Variants in MYH16 observed in about 807,000 individuals in gnomAD.
The protein encoded by MYH16 is myosin heavy chain 16.
chr7:99,302,228 C>T (rs1792604122), intron 38 of MYH16, among the ~76,000 whole-genome samples: 1 of 150,470 alleles, frequency 6.6e-6, no homozygotes. Context: ...TGCTTGAACC[C>T]GGGAGGCGGA....
chr7:99,308,928 C>A (rs1792719230), downstream of MYH16, among the ~76,000 whole-genome samples: 1 of 152,076 alleles, frequency 6.6e-6, no homozygotes. Context: ...CCTATCTCTA[C>A]AAAAAAATGT....
chr7:99,289,502 G>C (rs748184153), intron 30 of MYH16, 98 bp downstream of exon 11: 1 of 207,546 alleles, frequency 4.8e-6, no homozygotes, highest in African/African-American at 2.4e-5. Context: ...GAAGATTCCC[G>C]TCCAAACCCC....
chr7:99,291,527 T>G lies in MYH16; in HGVS notation n.3952+77T>G, dbSNP rs548105965. 6.4e-4 allele frequency: 265 copies of G among 413,496 alleles called. 2 individuals carry two copies. Among genetic ancestry groups the G allele is most frequent in the African/African-American group, 4.8e-3 (231 of 48,544 alleles). The allele number at this position is 413,496 out of a possible 1,614,324, so 25.6% of individuals were successfully genotyped here. ...ATAGGTTACAGCTGGGGTTGGTGGC[T>G]CATGCCTGTAATCCCAGAACTTTGG... On this transcript the variant is annotated intron_variant and non_coding_transcript_variant, in intron 31 of 41. Coordinates refer to ENST00000439784, the Ensembl canonical transcript of MYH16.
At chr7:99,254,767 G>A (rs758943101) in intron 8 of MYH16, among the ~76,000 whole-genome samples, 19 of 152,192 alleles carry the variant, frequency 1.2e-4, no homozygotes, top group Non-Finnish European at 2.2e-4. Context: ...CCCACCCACA[G>A]GTGGGCTTTA....
chr7:99,283,077 A>G (rs762383736), intron 23 of MYH16, among the ~76,000 whole-genome samples: 23 of 152,182 alleles, frequency 1.5e-4, no homozygotes, highest in African/African-American at 5.5e-4. Flanking sequence ...TGTGACAACC[A>G]GAAGCACCCC....
intron 20 of MYH16, 36 bp from the exon 3 acceptor site, chr7:99,277,503 T>C (rs1296909561): frequency 6.7e-6 from 3 of 444,728 alleles, no homozygotes; most frequent in Admixed American, 4.8e-5. Context: ...GCAAACCCCA[T>C]TCTCCTAACA....
intron 22 of MYH16, 31 bp from the exon 5 acceptor site, chr7:99,280,845 G>A (rs535345083): frequency 3.4e-6 from 1 of 294,434 alleles, no homozygotes; most frequent in Non-Finnish European, 6.8e-6. Flanking sequence ...CAGCTTTAAG[G>A]ATCTACCTCT....
chr7:99,294,009 C>T lies in MYH16; in HGVS notation n.4150-9C>T, dbSNP rs1328906795. On this transcript the variant is annotated splice_polypyrimidine_tract_variant and intron_variant and non_coding_transcript_variant, in intron 32 of 41. Transcript: ENST00000439784. Reference sequence around the variant, plus strand: ...TTTCCTTGACAGCCCCTCTGGCCCTCATTTGCAGGAGGAAGCTGGCCGCCA... The same window carrying T: ...TTTCCTTGACAGCCCCTCTGGCCCTTATTTGCAGGAGGAAGCTGGCCGCCA... The T allele has an allele frequency of 2.2e-6, 1 of 450,574 alleles. No individual in the cohort carries two copies. The highest frequency in any genetic ancestry group is 1.6e-5 in the South Asian group (1 of 63,662). 27.9% of individuals were successfully genotyped at this position (450,574 alleles called of 1,614,324 possible). A position where few individuals can be genotyped will look rare whatever the true frequency, so the allele number is the denominator to read the frequency against.
At chr7:99,273,311 TAACCCACTC>T (rs1156488422) in intron 19 of MYH16, 22 bp from the exon 2 acceptor site, 1 of 456,690 alleles carries the variant, frequency 2.2e-6, no homozygotes, top group Non-Finnish European at 4.4e-6. Context: ...ACCTTCATTG[TAACCCACTC>T]AACCCTGGAT....
At chr7:99,279,379 AAAG>A in intron 21 of MYH16, 128 bp from the exon 4 acceptor site, 7 of 340,426 alleles carry the variant, frequency 2.1e-5, no homozygotes, top group South Asian at 4.7e-5. Context: ...AAAAAAAAAA[AAAG>A]GAGCTCGAGA....
chr7:99,245,698 T>G (rs1791721120), intron 2 of MYH16, among the ~76,000 whole-genome samples: 2 of 152,100 alleles, frequency 1.3e-5, no homozygotes, highest in Admixed American at 1.3e-4. Context: ...CAGCTAATTT[T>G]TGTATTTTTA....
At chr7:99,283,429 G>A (rs1381254944) in intron 23 of MYH16, 136 bp from the exon 6 acceptor site, 2 of 393,522 alleles carry the variant, frequency 5.1e-6, no homozygotes, top group Non-Finnish European at 5.1e-6. Flanking sequence ...CAGGTGGTCA[G>A]TACCTACTCA....
chr7:99,249,538 CA>C (rs1222006408), intron 4 of MYH16, among the ~76,000 whole-genome samples: 209 of 50,274 alleles, frequency 4.2e-3, no homozygotes, highest in African/African-American at 7.2e-3. Context: ...GACCCTCTCT[CA>C]AAAAAAAAAA....
intron 2 of MYH16, among the ~76,000 whole-genome samples, chr7:99,243,601 C>T (rs1009600212): frequency 3.3e-5 from 5 of 152,184 alleles, no homozygotes; most frequent in Middle Eastern, 3.2e-3. Flanking sequence ...CCAAAGCCTT[C>T]GGCATCTCAG....
At chr7:99,290,099 T>C (rs554303271) in intron 30 of MYH16, among the ~76,000 whole-genome samples, 1 of 152,312 alleles carries the variant, frequency 6.6e-6, no homozygotes, top group South Asian at 2.1e-4. Flanking sequence ...GAGAACTGAA[T>C]AGTCTACAGG....
chr7:99,259,425 G>C (rs1791912743), intron 11 of MYH16, among the ~76,000 whole-genome samples: 1 of 152,056 alleles, frequency 6.6e-6, no homozygotes, highest in Non-Finnish European at 1.5e-5. Flanking sequence ...ACTAGCCTGG[G>C]CAACAGGGTG....
intron 2 of MYH16, among the ~76,000 whole-genome samples, chr7:99,247,350 C>T (rs1390766162): frequency 6.6e-6 from 1 of 152,168 alleles, no homozygotes; most frequent in East Asian, 1.9e-4. Flanking sequence ...TTGTTTCGTC[C>T]TTTTGGTAGA....
exon 33 of MYH16, chr7:99,294,122 T>C: frequency 2.2e-6 from 1 of 455,888 alleles, no homozygotes; most frequent in Non-Finnish European, 4.4e-6. Context: ...CAGGCAGAAG[T>C]TGAGGACCTC....
intron 37 of MYH16, 30 bp downstream of exon 18, chr7:99,299,688 T>C (rs956382728): frequency 6.5e-6 from 1 of 153,090 alleles, no homozygotes; most frequent in African/African-American, 2.4e-5. Flanking sequence ...AGAAATGAGA[T>C]ACAAGGCACA....
Sources: gnomAD v4.1 joint callset for allele counts (sites outside exome capture counted in the v4.1 genomes callset) on GRCh38, gnomAD v4.1.1 for gene constraint, MANE v1.5 for transcripts, NCBI Gene and HGNC (gene_info 2026-07-23, HGNC 2026-07-21) for gene names.